GRXCR1: variants seen among roughly 807,000 people sequenced by gnomAD.
The protein encoded by GRXCR1 is glutaredoxin and cysteine rich domain containing 1, also known as glutaredoxin domain-containing cysteine-rich protein 1.
In GRXCR1, 27 loss-of-function variants were observed where a neutral mutation model predicts 27.3. That is an observed-to-expected ratio of 0.99 (90% CI 0.73 to 1.37). GRXCR1 has a LOEUF of 1.37. Ranked by LOEUF, GRXCR1 falls within the 40% of genes most tolerant of loss-of-function variation. The pLI is 0.00. For missense variants in GRXCR1, 379 were observed against 354.4 expected, an observed-to-expected ratio of 1.07 and a Z score of -0.56; for synonymous variants, 122 against 131.1, an observed-to-expected ratio of 0.93 and a Z score of 0.47.
intron 2 of GRXCR1, among the ~76,000 whole-genome samples, chr4:42,970,103 T>C (rs958608657): frequency 3.9e-5 from 6 of 152,106 alleles, no homozygotes; most frequent in African/African-American, 9.7e-5. Flanking sequence ...ATGTCTCACA[T>C]CCAGGGTATG....
intron 1 of GRXCR1, among the ~76,000 whole-genome samples, chr4:42,898,843 A>G (rs567337846): frequency 4.6e-5 from 7 of 152,244 alleles, no homozygotes; most frequent in African/African-American, 1.7e-4. Context: ...TAATGGAAAT[A>G]TTATCTTTTT....
intron 1 of GRXCR1, among the ~76,000 whole-genome samples, chr4:42,897,154 G>A (rs1216279962): frequency 6.6e-6 from 1 of 152,106 alleles, no homozygotes; most frequent in African/African-American, 2.4e-5. Context: ...ATACCTGTCA[G>A]TACACAGTTG....
chr4:43,020,658 G>T (rs775535946), intron 3 of GRXCR1, among the ~76,000 whole-genome samples: 9 of 152,104 alleles, frequency 5.9e-5, no homozygotes, highest in Non-Finnish European at 1.0e-4. Context: ...AGCTTTATTT[G>T]ATCCCAACTC....
chr4:43,006,135 C>T (rs1223995477), intron 2 of GRXCR1, among the ~76,000 whole-genome samples: 1 of 152,188 alleles, frequency 6.6e-6, no homozygotes, highest in Non-Finnish European at 1.5e-5. Context: ...ATTTCCCATG[C>T]CTGTCTTTAC....
chr4:42,910,816 G>T (rs372719686), intron 1 of GRXCR1, among the ~76,000 whole-genome samples: 1 of 151,918 alleles, frequency 6.6e-6, no homozygotes, highest in African/African-American at 2.4e-5. Flanking sequence ...ATTTTATATT[G>T]TCTGATTCTT....
chr4:42,933,239 C>A (rs1197107896), intron 1 of GRXCR1, among the ~76,000 whole-genome samples: 1 of 151,852 alleles, frequency 6.6e-6, no homozygotes, highest in African/African-American at 2.4e-5. Context: ...GGTAGTGACA[C>A]AGGAGGCTAC....
At chr4:42,954,931 G>C (rs1307556894) in intron 1 of GRXCR1, among the ~76,000 whole-genome samples, 1 of 152,156 alleles carries the variant, frequency 6.6e-6, no homozygotes, top group Non-Finnish European at 1.5e-5. Flanking sequence ...GGTGGGCAGA[G>C]ATTTATTTAC....
chr4:43,017,981 G>A (rs1007381141), intron 2 of GRXCR1, among the ~76,000 whole-genome samples: 5 of 152,194 alleles, frequency 3.3e-5, no homozygotes, highest in Admixed American at 1.3e-4. Context: ...CAGCATGGGA[G>A]TGATCTGTAA....
intron 1 of GRXCR1, among the ~76,000 whole-genome samples, chr4:42,923,634 C>T (rs1372612763): frequency 6.6e-6 from 1 of 152,080 alleles, no homozygotes; most frequent in Non-Finnish European, 1.5e-5. Flanking sequence ...TCCTTTTCTT[C>T]CTAGCCTTGC....
intron 1 of GRXCR1, among the ~76,000 whole-genome samples, chr4:42,930,660 T>C (rs1211769174): frequency 6.6e-6 from 1 of 151,984 alleles, no homozygotes; most frequent in Non-Finnish European, 1.5e-5. Flanking sequence ...CATCAAGGTC[T>C]GGGTTAAAGT....
chr4:43,010,100 G>C (rs1712691841), intron 2 of GRXCR1, among the ~76,000 whole-genome samples: 1 of 152,062 alleles, frequency 6.6e-6, no homozygotes, highest in African/African-American at 2.4e-5. Flanking sequence ...TTCTGGAAGG[G>C]AAAAAGAGGA....
At chr4:43,005,572 G>A (rs1274394782) in intron 2 of GRXCR1, among the ~76,000 whole-genome samples, 1 of 152,134 alleles carries the variant, frequency 6.6e-6, no homozygotes, top group African/African-American at 2.4e-5. Flanking sequence ...AATTACCACG[G>A]CAAGATGAGA....
intron 1 of GRXCR1, among the ~76,000 whole-genome samples, chr4:42,910,787 A>G (rs1746706245): frequency 6.6e-6 from 1 of 152,122 alleles, no homozygotes; most frequent in African/African-American, 2.4e-5. Flanking sequence ...CAATACAGGT[A>G]TCCTAAACGT....
intron 2 of GRXCR1, among the ~76,000 whole-genome samples, 187 bp from the exon 3 acceptor site, chr4:43,020,167 G>C (rs1560690529): frequency 6.6e-6 from 1 of 152,016 alleles, no homozygotes; most frequent in Non-Finnish European, 1.5e-5. Flanking sequence ...AGACTTACTA[G>C]ATGGAAGAGT....
At chr4:42,904,424 T>C (rs1215822201) in intron 1 of GRXCR1, among the ~76,000 whole-genome samples, 3 of 152,154 alleles carry the variant, frequency 2.0e-5, no homozygotes, top group Non-Finnish European at 2.9e-5. Context: ...AAAAATACCT[T>C]ATTCCCCAGT....
At chr4:42,897,657 GGAA>G (rs1376496112) in intron 1 of GRXCR1, among the ~76,000 whole-genome samples, 2 of 151,924 alleles carry the variant, frequency 1.3e-5, no homozygotes, top group African/African-American at 4.8e-5. Context: ...GAGAGATTTT[GGAA>G]ATATTTTGCT....
At chr4:42,992,618 G>A (rs1031471953) in intron 2 of GRXCR1, among the ~76,000 whole-genome samples, 19 of 151,934 alleles carry the variant, frequency 1.3e-4, no homozygotes, top group Non-Finnish European at 5.9e-5. Flanking sequence ...AGAGTAGGCC[G>A]TACTATTGCC....
At chr4:43,030,313 T>C (rs1244888928) in intron 3 of GRXCR1, 48 bp from the exon 4 acceptor site, 1 of 1,573,540 alleles carries the variant, frequency 6.4e-7, no homozygotes, top group South Asian at 1.1e-5. Context: ...GAGTTGTTCA[T>C]GCTAACACAT....
At chr4:42,982,734 T>G (rs1218314923) in intron 2 of GRXCR1, among the ~76,000 whole-genome samples, 14 of 147,064 alleles carry the variant, frequency 9.5e-5, no homozygotes, top group African/African-American at 3.2e-4. Context: ...CCTGACTTTT[T>G]AATGATTGCC....
Sources: gnomAD v4.1 joint callset for allele counts (sites outside exome capture counted in the v4.1 genomes callset) on GRCh38, gnomAD v4.1.1 for gene constraint, MANE v1.5 for transcripts, NCBI Gene and HGNC (gene_info 2026-07-23, HGNC 2026-07-21) for gene names.